The following PRDM2 variants were observed in gnomAD, a reference collection of about 807,000 sequenced individuals.
PRDM2 encodes PR/SET domain 2, also known as PR domain zinc finger protein 2.
In PRDM2, 30 loss-of-function variants were observed where a neutral mutation model predicts 130.0. The observed-to-expected ratio is 0.23, with a 90% confidence interval of 0.17 to 0.31. The LOEUF (loss-of-function observed/expected upper bound fraction) is 0.31, where lower values mean the gene tolerates loss of function less well. Ranked by LOEUF, PRDM2 falls within the 10% of genes least tolerant of loss-of-function variation. The probability of loss-of-function intolerance (pLI) is 1.00; values close to 1 mark genes in which losing one functional copy is unlikely to be tolerated. For synonymous variants in PRDM2, 871 were observed against 782.4 expected, an observed-to-expected ratio of 1.11 and a Z score of -1.89; for missense variants, 2,011 against 2,108.4, an observed-to-expected ratio of 0.95 and a Z score of 0.90.
At chr1:13,747,454 T>G (rs1643644698) in intron 5 of PRDM2, among the ~76,000 whole-genome samples, 1 of 152,148 alleles carries the variant, frequency 6.6e-6, no homozygotes, top group South Asian at 2.1e-4. Context: ...GCTGTTTTAA[T>G]TTATTAATAT....
rs1404831644 is a variant in PRDM2, at chr1:13,803,807, T to A, written c.5037-12620T>A. ...TACGAGCTTCTCACATGCTGGGTATTTAGAGTTCAACCCAAACAGGTTTGG... is the reference window on the plus strand; with the variant it reads ...TACGAGCTTCTCACATGCTGGGTATATAGAGTTCAACCCAAACAGGTTTGG... On this transcript the variant is annotated intron_variant, in intron 8 of 9. Coordinates refer to ENST00000311066, the MANE Select transcript of PRDM2 (RefSeq NM_001393986.1). This position sits in a 1 kb window ranked among gnomAD's most constrained non-coding sequence, Gnocchi z 6.2. 6.6e-6 allele frequency among the ~76,000 whole-genome samples: 1 copy of A among 152,132 alleles called. No individual in the cohort carries two copies. The highest frequency in any genetic ancestry group is 1.5e-5 in the Non-Finnish European group (1 of 68,026).
intron 5 of PRDM2, among the ~76,000 whole-genome samples, chr1:13,747,785 A>G (rs1643658661): frequency 6.6e-6 from 1 of 151,736 alleles, no homozygotes; most frequent in Non-Finnish European, 1.5e-5. Flanking sequence ...AAAAAAAAAA[A>G]AAAAGAAACA....
Position 13,806,028 on chromosome 1 carries a change from T to C in PRDM2, c.5037-10399T>C, listed in dbSNP as rs1479092506. Reference sequence around the variant, plus strand: ...CTCCCCTTCTCTCTTGAACTCACTTTCAGGGTTTTGGCTCTTCTTGAGGAG... The same window carrying C: ...CTCCCCTTCTCTCTTGAACTCACTTCCAGGGTTTTGGCTCTTCTTGAGGAG... On this transcript the variant is annotated intron_variant, in intron 8 of 9. Transcript: ENST00000311066. This position sits in a 1 kb window ranked among gnomAD's most constrained non-coding sequence, Gnocchi z 4.1. Among the ~76,000 whole-genome samples, 3 of 152,172 alleles carry C rather than the reference T, an allele frequency of 2.0e-5. No homozygotes were observed. The highest frequency in any genetic ancestry group is 4.1e-4 in the South Asian group (2 of 4,826).
chr1:13,751,596 C>A (rs1643842863), intron 6 of PRDM2, among the ~76,000 whole-genome samples: 2 of 146,008 alleles, frequency 1.4e-5, no homozygotes, highest in South Asian at 2.4e-4. Context: ...TAAATAATAT[C>A]TTTTCAGGCA....
intron 9 of PRDM2, among the ~76,000 whole-genome samples, chr1:13,817,039 CT>C (rs1333476764): frequency 6.6e-6 from 1 of 152,230 alleles, no homozygotes; most frequent in African/African-American, 2.4e-5. Flanking sequence ...GACCGAGTTC[CT>C]ATTCTCACAA....
At chr1:13,702,047 AC>A (rs1334388407) in intron 1 of PRDM2, among the ~76,000 whole-genome samples, 1 of 152,214 alleles carries the variant, frequency 6.6e-6, no homozygotes, top group African/African-American at 2.4e-5. Context: ...AGAGAAAAGC[AC>A]AAAGAAGAAA....
chr1:13,760,077 A>C (rs1463647375), intron 6 of PRDM2, among the ~76,000 whole-genome samples: 1 of 152,218 alleles, frequency 6.6e-6, no homozygotes, highest in Admixed American at 6.5e-5. Flanking sequence ...AAATCCAGGA[A>C]TTCAGGATAG....
intron 1 of PRDM2, among the ~76,000 whole-genome samples, chr1:13,713,794 G>A (rs968668098): frequency 6.6e-6 from 1 of 152,186 alleles, no homozygotes; most frequent in African/African-American, 2.4e-5. Flanking sequence ...ATAGTAGTCA[G>A]TAGGCGTTTC....
intron 2 of PRDM2, among the ~76,000 whole-genome samples, chr1:13,720,529 C>A (rs533613167): frequency 1.3e-5 from 2 of 152,116 alleles, no homozygotes; most frequent in Middle Eastern, 6.8e-3. Flanking sequence ...GAGGAGAGGG[C>A]TGTTAGAGTT....
Position 13,778,482 on chromosome 1 carries a change from G to A in PRDM2, c.687G>A (p.Glu229=), listed in dbSNP as rs1232974387. 6.8e-6 allele frequency: 11 copies of A among 1,614,166 alleles called. No homozygotes were observed. The highest frequency in any genetic ancestry group is 2.2e-5 in the East Asian group (1 of 44,884). Residue 229 remains glutamate (E), a synonymous_variant, in exon 8 of 10, where the codon GAG becomes GAA. Coordinates refer to ENST00000311066, the MANE Select transcript of PRDM2 (RefSeq NM_001393986.1). ...TTGAGCAGCCGGCCACCCTCCAGGAGGTGGCCAGTCAGGAGGTGCCTCCAG... is the reference window on the plus strand; with the variant it reads ...TTGAGCAGCCGGCCACCCTCCAGGAAGTGGCCAGTCAGGAGGTGCCTCCAG... ...SALEQPATLQ[E]VASQEVPPEL...
chr1:13,797,896 A>T (rs1644946957), intron 8 of PRDM2, among the ~76,000 whole-genome samples: 1 of 152,104 alleles, frequency 6.6e-6, no homozygotes, highest in Non-Finnish European at 1.5e-5. Flanking sequence ...TCATCTCATC[A>T]CTTAATTTCT....
chr1:13,742,494 G>A (rs1242338560), intron 5 of PRDM2, among the ~76,000 whole-genome samples: 1 of 152,200 alleles, frequency 6.6e-6, no homozygotes, highest in African/African-American at 2.4e-5. Flanking sequence ...AAGCCACAAT[G>A]CCTGGGCCTG....
Position 13,823,324 on chromosome 1 carries a change from A to C in PRDM2, c.*189A>C, listed in dbSNP as rs1035161880. ...TCACGTGTTCTCGTGCGGGCGCGTG[A>C]GTGGTCTTCAAACGAGGGTCCCGAT... is the stretch of plus-strand genomic sequence containing the variant. On this transcript the variant is annotated 3_prime_UTR_variant, in exon 10 of 10. Transcript: ENST00000311066. 3 of 1,034,344 alleles carry C rather than the reference A, an allele frequency of 2.9e-6. No individual in the cohort carries two copies. In the African/African-American group the frequency reaches 4.8e-5, roughly 17 times the overall value. The allele number at this position is 1,034,344 out of a possible 1,614,324, so 64.1% of individuals were successfully genotyped here.
intron 1 of PRDM2, among the ~76,000 whole-genome samples, chr1:13,713,872 CA>C (rs1282478328): frequency 2.7e-5 from 4 of 150,520 alleles, no homozygotes; most frequent in Admixed American, 2.0e-4. Context: ...CCAAAATATA[CA>C]TTTTTTTTTT....
chr1:13,700,995 A>T (rs1414993536), intron 1 of PRDM2, among the ~76,000 whole-genome samples: 1 of 152,178 alleles, frequency 6.6e-6, no homozygotes. Context: ...CTAACAGGTC[A>T]GTGTCATTCC....
Position 13,823,679 on chromosome 1 carries a change from G to A in PRDM2, c.*544G>A, listed in dbSNP as rs1483466623. 6.4e-6 allele frequency: 1 copy of A among 155,580 alleles called. No homozygotes were observed. Among genetic ancestry groups the A allele is most frequent in the Non-Finnish European group, 1.4e-5 (1 of 70,250 alleles). 9.6% of individuals were successfully genotyped at this position (155,580 alleles called of 1,614,324 possible). A position where few individuals can be genotyped will look rare whatever the true frequency, so the allele number is the denominator to read the frequency against. ...CAGCATATTGACACGTTGGAGCCGA[G>A]CCTGAACATGCCCCTCGGCCCCAGC... On this transcript the variant is annotated 3_prime_UTR_variant, in exon 10 of 10. Transcript: ENST00000311066.
chr1:13,817,483 C>T (rs190945475), intron 9 of PRDM2, among the ~76,000 whole-genome samples: 5 of 152,072 alleles, frequency 3.3e-5, no homozygotes, highest in East Asian at 1.9e-4. Context: ...TGGTGACCCA[C>T]GAGCAGGCTT....
chr1:13,703,341 C>G (rs1224305135), intron 1 of PRDM2, among the ~76,000 whole-genome samples: 1 of 152,196 alleles, frequency 6.6e-6, no homozygotes. Flanking sequence ...AGTGTGACAG[C>G]CAGTAAAATC....
chr1:13,783,564 T>C (rs951338106), intron 8 of PRDM2, among the ~76,000 whole-genome samples: 3 of 152,186 alleles, frequency 2.0e-5, no homozygotes, highest in African/African-American at 4.8e-5. Flanking sequence ...CCAGTAATGA[T>C]AGAAGGATTT....
Sources: gnomAD v4.1 joint callset for allele counts (sites outside exome capture counted in the v4.1 genomes callset) on GRCh38, gnomAD v4.1.1 for gene constraint, Gnocchi (gnomAD v3.1) non-coding constraint, MANE v1.5 for transcripts, NCBI Gene and HGNC (gene_info 2026-07-23, HGNC 2026-07-21) for gene names.